CAPN12: variants seen among roughly 807,000 people sequenced by gnomAD.
CAPN12 encodes calpain 12.
Under a neutral mutation model 95.0 loss-of-function variants are expected in CAPN12, and 107 were observed. The observed-to-expected ratio is 1.13, with a 90% CI of 0.96 to 1.32. The LOEUF (loss-of-function observed/expected upper bound fraction) is 1.32. Ranked by LOEUF, CAPN12 falls within the 40% of genes most tolerant of loss-of-function variation. CAPN12 has a pLI of 0.00. For missense variants in CAPN12, 1,136 were observed against 997.8 expected (o/e 1.14, Z -1.87); for synonymous variants, 505 against 415.5 (o/e 1.22, Z -2.62).
At chr19:38,732,522 G>A (rs974471376) in intron 18 of CAPN12, among the ~76,000 whole-genome samples, 2 of 152,082 alleles carry the variant, frequency 1.3e-5, no homozygotes, top group African/African-American at 4.8e-5. Context: ...AGTAGAGACG[G>A]GGGTTCCGCC....
intron 5 of CAPN12, chr19:38,739,368 G>C (rs181032553): frequency 1.4e-5 from 2 of 142,824 alleles, no homozygotes; most frequent in East Asian, 2.2e-4. Context: ...AGAATTGCTT[G>C]AACTTGGGTG....
chr19:38,739,826 G>A (rs1440508407), intron 5 of CAPN12: 1 of 444,102 alleles, frequency 2.3e-6, no homozygotes, highest in Non-Finnish European at 3.9e-6. Context: ...AACACAGAAT[G>A]AGAAATAAAC....
Position 38,734,149 on chromosome 19 carries a change from T to G in CAPN12, c.1871A>C (p.Glu624Ala). 1 of 1,612,840 alleles carries G rather than the reference T, an allele frequency of 6.2e-7. No homozygotes were observed. Among genetic ancestry groups the G allele is most frequent in the Non-Finnish European group, 8.5e-7 (1 of 1,179,846 alleles). The change falls in exon 17 of 21, where the codon GAG becomes GCG. Residue 624 changes from glutamate to alanine, a missense_variant. Transcript: ENST00000328867. The part of the protein sequence containing the change: ...HFQQLWGYLL[E>A]WQAIFNKFDE... The stretch of plus-strand genomic sequence containing the variant: ...CCCAGTCTCCCACCTCACCTGCCAC[T>G]CCAGGAGGTAGCCCCAGAGCTGCTG...
At chr19:38,742,973 G>A (rs1271299762) in intron 2 of CAPN12, 60 bp downstream of exon 2, 5 of 1,550,146 alleles carry the variant, frequency 3.2e-6, no homozygotes, top group Non-Finnish European at 3.6e-6. Context: ...GGATGGAGCT[G>A]TCAGGATCTC....
At chr19:38,743,528 C>T (rs1469561799) in intron 1 of CAPN12, among the ~76,000 whole-genome samples, 5 of 128,570 alleles carry the variant, frequency 3.9e-5, no homozygotes, top group Non-Finnish European at 8.7e-5. Flanking sequence ...GCCCCTCCTC[C>T]CTCAGACCCA....
chr19:38,737,252 G>C lies in CAPN12; in HGVS notation c.1266C>G (p.Pro422=). 1 of 1,549,728 alleles carries C rather than the reference G, an allele frequency of 6.5e-7. No homozygotes were observed. Among genetic ancestry groups the C allele is most frequent in the Non-Finnish European group, 8.7e-7 (1 of 1,147,808 alleles). The change falls in exon 10 of 21, where the codon CCC becomes CCG. Residue 422 remains proline (P), a synonymous_variant. Transcript: ENST00000328867. ...TGAGGGACAGAAGGACCGTGCACTT[G>C]GGCGTGCGGCCCCCCCGCGCTGGGC... ...ARGPARGGRT[P]KCTVLLSLIQ...
At chr19:38,734,474 C>T in intron 15 of CAPN12, 85 bp from the exon 16 acceptor site, 2 of 1,197,678 alleles carry the variant, frequency 1.7e-6, no homozygotes, top group Middle Eastern at 2.3e-4. Context: ...CTCCCTTAAG[C>T]AGGTGATGTT....
chr19:38,734,480 A>G, intron 15 of CAPN12, 91 bp from the exon 16 acceptor site: 1 of 1,124,294 alleles, frequency 8.9e-7, no homozygotes, highest in Non-Finnish European at 1.3e-6. Flanking sequence ...TAAGCAGGTG[A>G]TGTTGTCAGT....
At position 38,734,205 on chromosome 19, in the gene CAPN12, C is replaced by T; in HGVS notation, c.1816-1G>A. On this transcript the variant is annotated splice_acceptor_variant, in intron 16 of 20. Transcript: ENST00000328867. LOFTEE classifies it high-confidence loss of function. ...GGTGTAAGGCCAGGCTTTGCCCATG[C>T]TGTGTTGGGGGTCGGGGGCATCTGG... 2 of 1,612,936 alleles carry T rather than the reference C, an allele frequency of 1.2e-6. No homozygotes were observed. Among genetic ancestry groups the T allele is most frequent in the Non-Finnish European group, 1.7e-6 (2 of 1,179,870 alleles).
At chr19:38,736,668 C>T (rs1025334873) in intron 10 of CAPN12, 105 bp from the exon 11 acceptor site, 7 of 1,301,018 alleles carry the variant, frequency 5.4e-6, no homozygotes, top group African/African-American at 1.5e-5. Context: ...CCTCCTTCTT[C>T]GTCCTATTAG....
intron 3 of CAPN12, 57 bp from the exon 4 acceptor site, chr19:38,741,967 C>A: frequency 6.3e-7 from 1 of 1,591,156 alleles, no homozygotes; most frequent in Non-Finnish European, 8.5e-7. Context: ...CCTGCCTGGG[C>A]CCTGCCTCTG....
At chr19:38,735,021 T>C in intron 14 of CAPN12, 151 bp from the exon 15 acceptor site, 1 of 694,656 alleles carries the variant, frequency 1.4e-6, no homozygotes. Flanking sequence ...GGGCCAGGGC[T>C]GTGACGGGGG....
At chr19:38,734,114 T>C (rs751373548) in intron 17 of CAPN12, 28 bp downstream of exon 17, 1 of 1,610,838 alleles carries the variant, frequency 6.2e-7, no homozygotes, top group Non-Finnish European at 8.5e-7. Flanking sequence ...TCTCTCTTTC[T>C]GGGAAGAGGC....
At position 38,736,785 on chromosome 19, in the gene CAPN12, G is replaced by T. The variant is rs1970206236; in HGVS notation, c.1363-222C>A. 8.2e-6 allele frequency: 5 copies of T among 611,490 alleles called. No individual in the cohort carries two copies. In the South Asian group the frequency reaches 1.0e-4, roughly 13 times the overall value. 37.9% of individuals were successfully genotyped at this position (611,490 alleles called of 1,614,324 possible). On this transcript the variant is annotated intron_variant, in intron 10 of 20. Transcript: ENST00000328867. ...TCCCAGCGCCTTCTCTGTATCCTTG[G>T]TCCCCTCTGGCCCTTCTAACCCCCA... is the stretch of plus-strand genomic sequence containing the variant.
rs896894226 is a variant in CAPN12, at chr19:38,730,733, G to C, written c.*119C>G. On this transcript the variant is annotated 3_prime_UTR_variant, in exon 21 of 21. Coordinates refer to ENST00000328867, the MANE Select transcript of CAPN12 (RefSeq NM_144691.4). ...ACCCGGCCGTGAGCAGTGAGGGCCA[G>C]AGACTAGCCCCAGACAGGTGGATGC... is the stretch of plus-strand genomic sequence containing the variant. 1.5e-6 allele frequency: 2 copies of C among 1,315,234 alleles called. No homozygotes were observed. The highest frequency in any genetic ancestry group is 2.1e-6 in the Non-Finnish European group (2 of 945,256). The allele number at this position is 1,315,234 out of a possible 1,614,324, so 81.5% of individuals were successfully genotyped here.
At position 38,737,225 on chromosome 19, in the gene CAPN12, G is replaced by C. The variant is rs113828161; in HGVS notation, c.1293C>G (p.Ile431Met). The C allele has an allele frequency of 1.3e-6, 2 of 1,551,282 alleles. No homozygotes were observed. The highest frequency in any genetic ancestry group is 1.2e-5 in the South Asian group (1 of 84,228). Residue 431 changes from isoleucine (I) to methionine (M), a missense_variant, in exon 10 of 21, where the codon ATC becomes ATG. Ile to Met is a conservative substitution (Grantham distance 10). Coordinates refer to ENST00000328867, the MANE Select transcript of CAPN12 (RefSeq NM_144691.4). ...CTCTCAGGCGCCGCCGGTTGCGCTGGATGAGGGACAGAAGGACCGTGCACT... is the reference window on the plus strand; with the variant it reads ...CTCTCAGGCGCCGCCGGTTGCGCTGCATGAGGGACAGAAGGACCGTGCACT... ...TPKCTVLLSL[I>M]QRNRRRLRAK...
In CAPN12 at chr19:38,741,089, G is replaced by T. The variant is rs75284350; in HGVS notation, c.560+688C>A. ...TCCCAGGGTGACCCCCAATATTTTG[G>T]GGGTGCTTTAGATTTCTCAATGGAC... On this transcript the variant is annotated intron_variant, in intron 4 of 20. Coordinates refer to ENST00000328867, the MANE Select transcript of CAPN12 (RefSeq NM_144691.4). Among the ~76,000 whole-genome samples the T allele has an allele frequency of 7.5e-3, 1,148 of 152,136 alleles. 9 individuals carry two copies. The highest frequency in any genetic ancestry group is 0.012 in the Non-Finnish European group (833 of 67,994).
chr19:38,734,694 G>A (rs965666799), intron 15 of CAPN12, 119 bp downstream of exon 15: 5 of 909,892 alleles, frequency 5.5e-6, no homozygotes, highest in East Asian at 2.7e-5. Context: ...GCTGAGCCCT[G>A]GCTTCCTGAG....
rs911099648 is a variant in CAPN12 at position 38,736,741 on chromosome 19, C to G, written c.1363-178G>C. 4.0e-6 allele frequency: 3 copies of G among 743,550 alleles called. No individual in the cohort carries two copies. In the African/African-American group the frequency reaches 5.4e-5, roughly 13 times the overall value. 46.1% of individuals were successfully genotyped at this position (743,550 alleles called of 1,614,324 possible). On this transcript the variant is annotated intron_variant, in intron 10 of 20. Coordinates refer to ENST00000328867, the MANE Select transcript of CAPN12 (RefSeq NM_144691.4). Reference sequence around the variant, plus strand: ...GGCCCTCGCCGACCCCTCCCCAACTCTTCCTTCCCCATCTGCGCTCCCAGC... The same window carrying G: ...GGCCCTCGCCGACCCCTCCCCAACTGTTCCTTCCCCATCTGCGCTCCCAGC...
Sources: gnomAD v4.1 joint callset for allele counts (sites outside exome capture counted in the v4.1 genomes callset) on GRCh38, gnomAD v4.1.1 for gene constraint, MANE v1.5 for transcripts, NCBI Gene and HGNC (gene_info 2026-07-23, HGNC 2026-07-21) for gene names.